The following UBE3A variants were observed in gnomAD, a reference collection of about 807,000 sequenced individuals.
UBE3A encodes the protein ubiquitin protein ligase E3A.
Under a neutral mutation model 83.4 loss-of-function variants are expected in UBE3A, and 6 were observed. The observed-to-expected ratio is 0.07, with a 90% CI of 0.04 to 0.14. The LOEUF is 0.14. Ranked by LOEUF, UBE3A falls within the 10% of genes least tolerant of loss-of-function variation. UBE3A has a pLI of 1.00. For missense variants in UBE3A, 456 were observed against 1,036.1 expected (o/e 0.44, Z 7.69); for synonymous variants, 337 against 355.4 (o/e 0.95, Z 0.58).
At chr15:25,436,634 T>C (rs995956771) in intron 1 of UBE3A, among the ~76,000 whole-genome samples, 1 of 152,324 alleles carries the variant, frequency 6.6e-6, no homozygotes, top group African/African-American at 2.4e-5. Flanking sequence ...AAATGTTACA[T>C]GTCAAAGACA....
At position 25,355,915 on chromosome 15, in the gene UBE3A, G is replaced by C; in HGVS notation, c.2101C>G (p.Pro701Ala). 3.1e-6 allele frequency: 5 copies of C among 1,613,154 alleles called. No individual in the cohort carries two copies. The highest frequency in any genetic ancestry group is 4.2e-6 in the Non-Finnish European group (5 of 1,179,682). Residue 701 changes from proline (P) to alanine (A), a missense_variant, in exon 9 of 13, where the codon CCA becomes GCA. Around this residue, in one of 13 missense-constraint regions of UBE3A, gnomAD observed 82 missense variants for 199.3 expected, o/e 0.41. Coordinates refer to ENST00000648336, the MANE Select transcript of UBE3A (RefSeq NM_130839.5). ...YDLKENGDKI[P>A]ITNENRKEFV... ...ACCTTCCTGTTTTCATTTGTAATTG[G>C]AATTTTATCACCATTTTCCTTTAGA...
intron 2 of UBE3A, among the ~76,000 whole-genome samples, chr15:25,410,651 T>C (rs1013758740): frequency 4.6e-5 from 7 of 152,218 alleles, no homozygotes; most frequent in Non-Finnish European, 1.0e-4. Flanking sequence ...TTTGAGCCCA[T>C]ACCTATGCAG....
chr15:25,430,287 A>T (rs12438385), intron 1 of UBE3A, among the ~76,000 whole-genome samples: 339 of 1,202 alleles, frequency 0.28, 33 homozygotes, highest in Middle Eastern at 0.5. Context: ...TTATATATAT[A>T]ATATATATAA....
At chr15:25,416,667 T>C (rs987328118) in intron 1 of UBE3A, among the ~76,000 whole-genome samples, 26 of 148,956 alleles carry the variant, frequency 1.7e-4, no homozygotes, top group Non-Finnish European at 3.0e-5. Context: ...AAACCTCATA[T>C]GGTATTAGCA....
intron 1 of UBE3A, among the ~76,000 whole-genome samples, chr15:25,424,294 C>T (rs72697789): frequency 0.12 from 18,083 of 152,154 alleles, 1,150 homozygotes; most frequent in Middle Eastern, 0.23. Flanking sequence ...GCCTGAAATG[C>T]TCTTCCCCCA....
At position 25,337,007 on chromosome 15, in the gene UBE3A, T is replaced by C. The variant is rs1337156348; in HGVS notation, c.*2130A>G. 2 of 152,136 alleles carry C rather than the reference T, an allele frequency of 1.3e-5. No individual in the cohort carries two copies. The highest frequency in any genetic ancestry group is 4.8e-5 in the African/African-American group (2 of 41,442). The allele number at this position is 152,136 out of a possible 1,614,324, so 9.4% of individuals were successfully genotyped here. A position where few individuals can be genotyped will look rare whatever the true frequency, so the allele number is the denominator to read the frequency against. On this transcript the variant is annotated 3_prime_UTR_variant, in exon 13 of 13. Coordinates refer to ENST00000648336, the MANE Select transcript of UBE3A (RefSeq NM_130839.5). Reference sequence around the variant, plus strand: ...AGCAAAAGTAAGAGGAGTGACAACATGCCCGGCATAATTAAGCAAGCTAGA... The same window carrying C: ...AGCAAAAGTAAGAGGAGTGACAACACGCCCGGCATAATTAAGCAAGCTAGA...
chr15:25,396,761 A>G (rs1244239131), intron 4 of UBE3A, among the ~76,000 whole-genome samples: 1 of 152,216 alleles, frequency 6.6e-6, no homozygotes, highest in Non-Finnish European at 1.5e-5. Context: ...CAGTTGTTAA[A>G]AACACTTGTT....
At chr15:25,396,105 G>T (rs1267462469) in intron 4 of UBE3A, among the ~76,000 whole-genome samples, 1 of 151,868 alleles carries the variant, frequency 6.6e-6, no homozygotes, top group Non-Finnish European at 1.5e-5. Context: ...GGGTGGCTGA[G>T]GCAGGAGAAT....
At chr15:25,405,868 G>A (rs2088399790) in intron 3 of UBE3A, among the ~76,000 whole-genome samples, 1 of 152,132 alleles carries the variant, frequency 6.6e-6, no homozygotes, top group African/African-American at 2.4e-5. Flanking sequence ...CATTAACAAA[G>A]GTACTCACTG....
At chr15:25,364,645 G>GTTTT (rs759514427) in intron 6 of UBE3A, among the ~76,000 whole-genome samples, 10 of 97,638 alleles carry the variant, frequency 1.0e-4, no homozygotes, top group Non-Finnish European at 1.5e-4. Flanking sequence ...TTTTTTGTTT[G>GTTTT]TTTTTTTTTT....
chr15:25,342,640 TA>T (rs5811380), intron 11 of UBE3A, among the ~76,000 whole-genome samples: 7 of 145,204 alleles, frequency 4.8e-5, no homozygotes, highest in Non-Finnish European at 6.1e-5. Flanking sequence ...AAGGGGAAAA[TA>T]AAAAAAAAAC....
chr15:25,349,674 C>G (rs1013363700), intron 11 of UBE3A, among the ~76,000 whole-genome samples: 1 of 152,156 alleles, frequency 6.6e-6, no homozygotes, highest in Admixed American at 6.5e-5. Context: ...ATTTTAGCAA[C>G]CTCAACATAT....
chr15:25,420,138 T>C (rs1889050893), intron 1 of UBE3A, among the ~76,000 whole-genome samples: 1 of 151,948 alleles, frequency 6.6e-6, no homozygotes, highest in Non-Finnish European at 1.5e-5. Flanking sequence ...AAATGACCAA[T>C]AAGCTGAAAA....
chr15:25,372,524 C>T (rs1028994823), intron 5 of UBE3A, among the ~76,000 whole-genome samples: 9 of 152,182 alleles, frequency 5.9e-5, no homozygotes, highest in Admixed American at 1.3e-4. Context: ...AGCTGGCAAG[C>T]AGTGCAGAGA....
chr15:25,348,936 C>T (rs550806626), intron 11 of UBE3A, among the ~76,000 whole-genome samples: 1 of 152,294 alleles, frequency 6.6e-6, no homozygotes, highest in East Asian at 1.9e-4. Context: ...GCAGGCTTTG[C>T]CCTTTTGTTT....
At chr15:25,409,337 A>G in intron 2 of UBE3A, 130 bp from the exon 3 acceptor site, 1 of 419,692 alleles carries the variant, frequency 2.4e-6, no homozygotes, top group Non-Finnish European at 4.3e-6. Context: ...ATTATTATAG[A>G]AAAGTTTTTA....
chr15:25,393,962 C>A (rs1018666626), intron 4 of UBE3A: 1 of 152,194 alleles, frequency 6.6e-6, no homozygotes, highest in African/African-American at 2.4e-5. Context: ...TACTGCAATA[C>A]GGAACTTCTT....
intron 1 of UBE3A, among the ~76,000 whole-genome samples, chr15:25,412,195 C>T (rs1177679591): frequency 1.3e-5 from 2 of 152,230 alleles, no homozygotes; most frequent in African/African-American, 4.8e-5. Context: ...CCATATTTCC[C>T]ATATTCATCC....
chr15:25,335,654 C>T lies in UBE3A; in HGVS notation c.*3483G>A, dbSNP rs1224774049. Reference sequence around the variant, plus strand: ...TTCTTAAAAAGAAACAAAGAATGGTCGGTCGATAGAGATGCAAGATGAAGA... The same window carrying T: ...TTCTTAAAAAGAAACAAAGAATGGTTGGTCGATAGAGATGCAAGATGAAGA... On this transcript the variant is annotated 3_prime_UTR_variant, in exon 13 of 13. Coordinates refer to ENST00000648336, the MANE Select transcript of UBE3A (RefSeq NM_130839.5). 2.0e-5 allele frequency: 3 copies of T among 152,054 alleles called. No individual in the cohort carries two copies. The highest frequency in any genetic ancestry group is 2.9e-5 in the Non-Finnish European group (2 of 68,038). 9.4% of individuals were successfully genotyped at this position (152,054 alleles called of 1,614,324 possible). A position where few individuals can be genotyped will look rare whatever the true frequency, so the allele number is the denominator to read the frequency against.
Sources: gnomAD v4.1 joint callset for allele counts (sites outside exome capture counted in the v4.1 genomes callset) on GRCh38, gnomAD v4.1.1 for gene constraint, gnomAD v4.1.1 regional missense constraint, MANE v1.5 for transcripts, NCBI Gene and HGNC (gene_info 2026-07-23, HGNC 2026-07-21) for gene names.